The following KCNH7 variants were observed in gnomAD, a reference collection of about 807,000 sequenced individuals.
KCNH7 encodes the protein potassium voltage-gated channel subfamily H member 7.
A neutral mutation model predicts 120.8 loss-of-function variants in KCNH7; 49 were observed. The observed-to-expected ratio is 0.41, with a 90% CI of 0.32 to 0.51. The LOEUF (loss-of-function observed/expected upper bound fraction) is 0.51. KCNH7 is among the 20% of genes least tolerant of loss of function. KCNH7 has a pLI of 0.38. For missense variants in KCNH7, 1,097 were observed against 1,446.6 expected (o/e 0.76, Z 3.92); for synonymous variants, 547 against 516.1 (o/e 1.06, Z -0.81).
intron 2 of KCNH7, among the ~76,000 whole-genome samples, chr2:162,732,138 G>C (rs1687752277): frequency 6.6e-6 from 1 of 152,094 alleles, no homozygotes; most frequent in Non-Finnish European, 1.5e-5. Context: ...TGCACTGGCA[G>C]TGGGCAAATT....
At chr2:162,582,810 C>A (rs1335904365) in intron 2 of KCNH7, among the ~76,000 whole-genome samples, 1 of 152,084 alleles carries the variant, frequency 6.6e-6, no homozygotes, top group Admixed American at 6.6e-5. Context: ...GGAAACCTCT[C>A]CAACCTCACT....
At chr2:162,624,784 C>G (rs1177556892) in intron 2 of KCNH7, among the ~76,000 whole-genome samples, 2 of 151,404 alleles carry the variant, frequency 1.3e-5, no homozygotes, top group Non-Finnish European at 1.5e-5. Context: ...GTCTCCTAAC[C>G]TCTAACCTCT....
At chr2:162,813,364 A>G (rs982456252) in intron 2 of KCNH7, among the ~76,000 whole-genome samples, 1 of 152,172 alleles carries the variant, frequency 6.6e-6, no homozygotes, top group Non-Finnish European at 1.5e-5. Context: ...ACACTCCTCT[A>G]TATTTGTGTA....
chr2:162,626,453 G>C (rs577889139), intron 2 of KCNH7, among the ~76,000 whole-genome samples: 2 of 152,088 alleles, frequency 1.3e-5, no homozygotes, highest in Non-Finnish European at 2.9e-5. Flanking sequence ...GAGAAAACTG[G>C]AATTCTGAAA....
intron 2 of KCNH7, among the ~76,000 whole-genome samples, chr2:162,556,638 T>A (rs1692866321): frequency 2.0e-5 from 3 of 152,306 alleles, no homozygotes; most frequent in Admixed American, 2.0e-4. Flanking sequence ...AAAATCCATC[T>A]TACTGAGTCT....
At position 162,449,625 on chromosome 2, in the gene KCNH7, C is replaced by T. The variant is rs931157142; in HGVS notation, c.1129-3182G>A. Among the ~76,000 whole-genome samples, 5 of 152,062 alleles carry T rather than the reference C, an allele frequency of 3.3e-5. No individual in the cohort carries two copies. The Middle Eastern group carries it at 0.01, about 310-fold the overall frequency. On this transcript the variant is annotated intron_variant, in intron 6 of 15. Transcript: ENST00000332142. ...CACACAACCAAAATGCCATGTGTCA[C>T]GGGAGCAGATACAGCTGCAAGCCAA...
At chr2:162,537,693 T>C (rs994566965) in intron 2 of KCNH7, among the ~76,000 whole-genome samples, 4 of 152,122 alleles carry the variant, frequency 2.6e-5, no homozygotes, top group South Asian at 2.1e-4. Flanking sequence ...TATTATTGTG[T>C]TAGTAATCTT....
intron 2 of KCNH7, among the ~76,000 whole-genome samples, chr2:162,650,283 C>T (rs1202643001): frequency 1.3e-5 from 2 of 152,108 alleles, no homozygotes; most frequent in African/African-American, 4.8e-5. Flanking sequence ...AATAAAAATG[C>T]TTCATAATTG....
intron 12 of KCNH7, among the ~76,000 whole-genome samples, chr2:162,389,280 G>T (rs1283838800): frequency 2.0e-5 from 3 of 151,928 alleles, no homozygotes; most frequent in African/African-American, 4.8e-5. Flanking sequence ...AATCAAGAGG[G>T]TAAGAATATT....
At chr2:162,659,633 G>A (rs1413288689) in intron 2 of KCNH7, among the ~76,000 whole-genome samples, 1 of 152,114 alleles carries the variant, frequency 6.6e-6, no homozygotes, top group African/African-American at 2.4e-5. Flanking sequence ...ATGAGCCACT[G>A]CGCCTGGCCA....
chr2:162,408,525 CTG>C (rs1156555861), intron 9 of KCNH7, among the ~76,000 whole-genome samples: 1 of 151,982 alleles, frequency 6.6e-6, no homozygotes, highest in Non-Finnish European at 1.5e-5. Context: ...CATAAAACAG[CTG>C]TGTGTGCTCC....
chr2:162,837,045 A>G (rs1181169844), intron 1 of KCNH7, among the ~76,000 whole-genome samples: 1 of 152,218 alleles, frequency 6.6e-6, no homozygotes, highest in African/African-American at 2.4e-5. Flanking sequence ...AAGCCCTGCA[A>G]CTGCGGGGGT....
At chr2:162,693,413 C>A (rs1686184448) in intron 2 of KCNH7, among the ~76,000 whole-genome samples, 1 of 152,094 alleles carries the variant, frequency 6.6e-6, no homozygotes, top group Non-Finnish European at 1.5e-5. Context: ...TCAACTACAG[C>A]ATGACATTTG....
At chr2:162,421,997 T>C (rs567557303) in intron 9 of KCNH7, among the ~76,000 whole-genome samples, 2 of 152,232 alleles carry the variant, frequency 1.3e-5, no homozygotes, top group Non-Finnish European at 1.5e-5. Context: ...ATAATAGTGA[T>C]GGAAATATAG....
chr2:162,482,919 C>T (rs1489503877), intron 6 of KCNH7, among the ~76,000 whole-genome samples: 1 of 152,140 alleles, frequency 6.6e-6, no homozygotes, highest in African/African-American at 2.4e-5. Context: ...AATTATATGG[C>T]AGCTATTAGC....
chr2:162,798,186 A>G (rs1161118299), intron 2 of KCNH7, among the ~76,000 whole-genome samples: 1 of 152,118 alleles, frequency 6.6e-6, no homozygotes, highest in African/African-American at 2.4e-5. Context: ...TGTTTTCCTT[A>G]GTAGAAGCAT....
At chr2:162,621,238 C>T (rs1683343690) in intron 2 of KCNH7, among the ~76,000 whole-genome samples, 3 of 94,930 alleles carry the variant, frequency 3.2e-5, no homozygotes, top group Admixed American at 2.5e-4. Flanking sequence ...GCTTCACAAT[C>T]TGGGTATCAT....
At chr2:162,530,793 G>A (rs954347519) in intron 3 of KCNH7, among the ~76,000 whole-genome samples, 13 of 149,762 alleles carry the variant, frequency 8.7e-5, no homozygotes, top group Non-Finnish European at 1.8e-4. Flanking sequence ...TTTTACACTG[G>A]TAGGAACATT....
chr2:162,376,025 T>C (rs1250928475), intron 14 of KCNH7, among the ~76,000 whole-genome samples: 1 of 152,124 alleles, frequency 6.6e-6, no homozygotes, highest in Non-Finnish European at 1.5e-5. Context: ...TAACATAGTT[T>C]TAGAACTTTT....
Sources: gnomAD v4.1 joint callset for allele counts (sites outside exome capture counted in the v4.1 genomes callset) on GRCh38, gnomAD v4.1.1 for gene constraint, MANE v1.5 for transcripts, NCBI Gene and HGNC (gene_info 2026-07-23, HGNC 2026-07-21) for gene names.